Variants in SHANK2 observed in about 807,000 individuals in gnomAD.
SHANK2 encodes the protein SH3 and multiple ankyrin repeat domains protein 2.
In SHANK2, 43 loss-of-function variants were observed where a neutral mutation model predicts 133.7. The observed-to-expected ratio is 0.32, with a 90% confidence interval of 0.25 to 0.41. The LOEUF (loss-of-function observed/expected upper bound fraction) is 0.41. Among genes scored for constraint, SHANK2 ranks in the 10% least tolerant of loss-of-function variants. The pLI, the probability that SHANK2 is intolerant of heterozygous loss-of-function variation, is 1.00. For synonymous variants in SHANK2, 1,017 were observed against 952.8 expected, an observed-to-expected ratio of 1.07 and a Z score of -1.24; for missense variants, 1,994 against 2,235.8, an observed-to-expected ratio of 0.89 and a Z score of 2.18.
intron 15 of SHANK2, among the ~76,000 whole-genome samples, chr11:70,684,841 A>T (rs1177184751): frequency 1.3e-5 from 2 of 151,940 alleles, no homozygotes; most frequent in African/African-American, 4.8e-5. Context: ...GATAGGTCAC[A>T]TGCCTCACTC....
intron 2 of SHANK2, among the ~76,000 whole-genome samples, chr11:71,199,962 G>A (rs1174105329): frequency 6.6e-6 from 1 of 152,152 alleles, no homozygotes; most frequent in Non-Finnish European, 1.5e-5. Flanking sequence ...GTCTTTTAGG[G>A]CATTTGTTTC....
At chr11:71,062,712 T>C (rs1951001671) in intron 9 of SHANK2, among the ~76,000 whole-genome samples, 1 of 152,118 alleles carries the variant, frequency 6.6e-6, no homozygotes, top group Admixed American at 6.6e-5. Flanking sequence ...TTCCCTATTA[T>C]AGGCTGGGCA....
intron 2 of SHANK2, among the ~76,000 whole-genome samples, chr11:71,198,995 A>G (rs782382486): frequency 5.9e-5 from 9 of 152,162 alleles, no homozygotes; most frequent in Admixed American, 2.6e-4. Flanking sequence ...ACCTGCCACC[A>G]TGCCGCAATG....
chr11:71,231,977 G>C (rs1248015158), intron 1 of SHANK2, among the ~76,000 whole-genome samples: 2 of 151,926 alleles, frequency 1.3e-5, no homozygotes, highest in African/African-American at 4.8e-5. Flanking sequence ...CACCCAGATA[G>C]CCTTCAGAAG....
Position 70,852,464 on chromosome 11 carries a change from G to A in SHANK2, c.1175-31782C>T, listed in dbSNP as rs782669911. ...GTTGCAGGGGAAGGGCAGGAAGAACGGGCTGGCTGTCCATTTCCAGCAGGA... is the reference window on the plus strand; with the variant it reads ...GTTGCAGGGGAAGGGCAGGAAGAACAGGCTGGCTGTCCATTTCCAGCAGGA... On this transcript the variant is annotated intron_variant, in intron 11 of 25. Transcript: ENST00000601538. Among the ~76,000 whole-genome samples the A allele has an allele frequency of 3.9e-5, 6 of 152,098 alleles. No homozygotes were observed. The East Asian group carries it at 5.8e-4, about 15-fold the overall frequency.
At chr11:71,137,420 G>A (rs1302705834) in intron 3 of SHANK2, among the ~76,000 whole-genome samples, 3 of 152,038 alleles carry the variant, frequency 2.0e-5, no homozygotes, top group Non-Finnish European at 4.4e-5. Context: ...CTTGAGTTGA[G>A]GGGCATCTGG....
At chr11:70,827,960 C>G (rs1180182265) in intron 11 of SHANK2, among the ~76,000 whole-genome samples, 1 of 152,082 alleles carries the variant, frequency 6.6e-6, no homozygotes, top group African/African-American at 2.4e-5. Context: ...ACTGAGTGTA[C>G]GCCCTATATC....
At chr11:70,612,027 C>T (rs782135631) in intron 17 of SHANK2, among the ~76,000 whole-genome samples, 18 of 151,768 alleles carry the variant, frequency 1.2e-4, no homozygotes, top group South Asian at 4.2e-4. Flanking sequence ...GCGTCTTGAG[C>T]GTTCTGCCCA....
chr11:71,240,030 T>C (rs1954869204), intron 1 of SHANK2, among the ~76,000 whole-genome samples: 1 of 152,160 alleles, frequency 6.6e-6, no homozygotes, highest in African/African-American at 2.4e-5. Flanking sequence ...TGTTCAATAG[T>C]AATATGATAC....
intron 9 of SHANK2, among the ~76,000 whole-genome samples, chr11:71,060,116 A>G (rs1200940271): frequency 6.6e-6 from 1 of 152,162 alleles, no homozygotes; most frequent in East Asian, 1.9e-4. Flanking sequence ...GTGGTTCTCA[A>G]CCGGGGGTAA....
intron 17 of SHANK2, among the ~76,000 whole-genome samples, chr11:70,573,319 T>TC (rs2060071788): frequency 3.7e-4 from 1 of 2,714 alleles, no homozygotes; most frequent in African/African-American, 6.3e-4. Context: ...ACTCCAGCGG[T>TC]GGGGGGGGGG....
At chr11:70,800,029 T>G (rs117568156) in intron 13 of SHANK2, among the ~76,000 whole-genome samples, 1 of 151,940 alleles carries the variant, frequency 6.6e-6, no homozygotes, top group Non-Finnish European at 1.5e-5. Context: ...TTAGGGTTTT[T>G]TTTTTGTTTT....
intron 14 of SHANK2, among the ~76,000 whole-genome samples, chr11:70,742,882 T>C (rs1946558493): frequency 6.6e-6 from 1 of 152,012 alleles, no homozygotes; most frequent in Non-Finnish European, 1.5e-5. Context: ...AAGTTTGCCT[T>C]GGGCTGGAAG....
At chr11:70,876,632 C>T (rs528504322) in intron 11 of SHANK2, among the ~76,000 whole-genome samples, 39 of 151,998 alleles carry the variant, frequency 2.6e-4, no homozygotes, top group Non-Finnish European at 5.9e-5. Context: ...CATGCATACA[C>T]ATGCATATAT....
chr11:71,102,481 A>C (rs1409655032), intron 6 of SHANK2, among the ~76,000 whole-genome samples: 1 of 152,086 alleles, frequency 6.6e-6, no homozygotes, highest in Non-Finnish European at 1.5e-5. Context: ...AGGGCCCGGG[A>C]CTGAGCATGG....
At chr11:70,862,016 A>G (rs868948181) in intron 11 of SHANK2, among the ~76,000 whole-genome samples, 3 of 151,206 alleles carry the variant, frequency 2.0e-5, no homozygotes, top group Non-Finnish European at 4.4e-5. Flanking sequence ...AAACCTGGGA[A>G]GGATCCTGTC....
chr11:70,678,532 C>CAT lies in SHANK2; in HGVS notation c.1854-16855_1854-16854insAT, dbSNP rs1491534302. On this transcript the variant is annotated intron_variant, in intron 15 of 25. Transcript: ENST00000601538. ...TCATTTCCAGTCTGCTAAGAACAGG[C>CAT]TTTTTTTTTTTTTTTTTTTTTTTGA... Among the ~76,000 whole-genome samples the CAT allele has an allele frequency of 2.3e-3, 175 of 77,072 alleles. 2 individuals carry two copies. Among genetic ancestry groups the CAT allele is most frequent in the African/African-American group, 8.0e-3 (163 of 20,340 alleles). The allele number at this position is 77,072 out of a possible 152,430, so 50.6% of individuals were successfully genotyped here. A position where few individuals can be genotyped will look rare whatever the true frequency, so the allele number is the denominator to read the frequency against.
chr11:70,503,619 G>C (rs1284316332), intron 17 of SHANK2, among the ~76,000 whole-genome samples: 1 of 152,208 alleles, frequency 6.6e-6, no homozygotes, highest in Non-Finnish European at 1.5e-5. Context: ...GCCATGCTAT[G>C]GCCACTGCCC....
chr11:70,698,774 A>G lies in SHANK2; in HGVS notation c.1778-11T>C, dbSNP rs1945455354. 1 of 718,462 alleles carries G rather than the reference A, an allele frequency of 1.4e-6. No homozygotes were observed. The highest frequency in any genetic ancestry group is 2.6e-6 in the Non-Finnish European group (1 of 385,096). 44.5% of individuals were successfully genotyped at this position (718,462 alleles called of 1,614,324 possible). On this transcript the variant is annotated splice_polypyrimidine_tract_variant and intron_variant, in intron 14 of 25. Coordinates refer to ENST00000601538, the MANE Select transcript of SHANK2 (RefSeq NM_012309.5). ...GGTCAGCGCGGGTTTCTGTACAGAG[A>G]GGGAAGAGAAACACCATTCAGAAAA...
Sources: allele counts gnomAD v4.1 joint callset (sites outside exome capture counted in the v4.1 genomes callset), GRCh38; gene constraint gnomAD v4.1.1; transcripts MANE v1.5; gene names NCBI Gene and HGNC (gene_info 2026-07-23, HGNC 2026-07-21).